HPF1: variants seen among roughly 807,000 people sequenced by gnomAD.
HPF1 encodes the protein UPF0609 protein C4orf27.
A neutral mutation model predicts 38.8 loss-of-function variants in HPF1; 35 were observed. That is an observed-to-expected ratio of 0.90 (90% CI 0.69 to 1.19). The LOEUF (loss-of-function observed/expected upper bound fraction) is 1.19, where lower values mean the gene tolerates loss of function less well. HPF1 is among the 50% of genes most tolerant of loss of function. The pLI is 0.00. For synonymous variants in HPF1, 115 were observed against 139.2 expected (o/e 0.83, Z 1.22); for missense variants, 367 against 405.8 (o/e 0.90, Z 0.82).
intron 5 of HPF1, 147 bp downstream of exon 5, chr4:169,741,810 G>C: frequency 1.5e-6 from 1 of 651,208 alleles, no homozygotes; most frequent in South Asian, 2.3e-5. Flanking sequence ...TCCTCTTTCA[G>C]TGCCATCCTC....
At position 169,729,605 on chromosome 4, in the gene HPF1, T is replaced by C. The variant is rs374474538; in HGVS notation, c.1014A>G (p.Gln338=). ...ATGCAGCAAGTTGGTCTATGTTCTC[T>C]TGACTTCTGTTTGCCAGATGCTCCT... The part of the protein sequence containing the change: ...IIEEHLANRS[Q]ENIDQLAA The change falls in exon 8 of 8, where the codon CAA becomes CAG. Residue 338 remains glutamine (Q), a synonymous_variant. Transcript: ENST00000393381. 1.3e-6 allele frequency: 2 copies of C among 1,586,822 alleles called. No individual in the cohort carries two copies. The highest frequency in any genetic ancestry group is 1.7e-6 in the Non-Finnish European group (2 of 1,167,734).
intron 4 of HPF1, among the ~76,000 whole-genome samples, chr4:169,743,988 C>T (rs1734013248): frequency 6.6e-6 from 1 of 152,118 alleles, no homozygotes; most frequent in South Asian, 2.1e-4. Context: ...CACAGAAACC[C>T]AAGCCATCAA....
chr4:169,731,906 T>C, intron 6 of HPF1, 30 bp from the exon 7 acceptor site: 3 of 1,541,116 alleles, frequency 1.9e-6, no homozygotes, highest in South Asian at 2.3e-5. Flanking sequence ...TAAAAGATTA[T>C]CTACATAGTT....
Position 169,748,794 on chromosome 4 carries a change from C to T in HPF1, c.447G>A (p.Lys149=), listed in dbSNP as rs143257171. 3.8e-4 allele frequency: 580 copies of T among 1,516,866 alleles called. 5 individuals are homozygous for T. In the South Asian group the frequency reaches 3.8e-3, roughly 10 times the overall value. The allele number at this position is 1,516,866 out of a possible 1,614,324, so 94.0% of individuals were successfully genotyped here. A position where few individuals can be genotyped will look rare whatever the true frequency, so the allele number is the denominator to read the frequency against. Residue 149 remains lysine, a synonymous_variant, in exon 4 of 8, where the codon AAG becomes AAA. Transcript: ENST00000393381. ...FPVYVGINEA[K]KNCIIVPNGD... Reference sequence around the variant, plus strand: ...CATTTGGAACAATTATACAATTTTTCTTTGCTTCATTTATACCAACATATA... The same window carrying T: ...CATTTGGAACAATTATACAATTTTTTTTTGCTTCATTTATACCAACATATA...
Position 169,750,556 on chromosome 4 carries a change from C to T in HPF1, c.378G>A (p.Gln126=). The part of the protein sequence containing the change: ...QTIIIGDNKT[Q]YHMGYFRDSP... ...TTTACCTGAAATACCCCATGTGGTACTGAGTTTTATTATCTCCAATAATAA... is the reference window on the plus strand; with the variant it reads ...TTTACCTGAAATACCCCATGTGGTATTGAGTTTTATTATCTCCAATAATAA... Residue 126 remains glutamine, a synonymous_variant, in exon 3 of 8, where the codon CAG becomes CAA. Transcript: ENST00000393381. 1 of 1,607,168 alleles carries T rather than the reference C, an allele frequency of 6.2e-7. No homozygotes were observed. Among genetic ancestry groups the T allele is most frequent in the Non-Finnish European group, 8.5e-7 (1 of 1,177,102 alleles).
chr4:169,755,420 G>A lies in HPF1; in HGVS notation c.49-1585C>T, dbSNP rs189584124. ...GAGAGGGCCAACTTTTCGTATACTC[G>A]GGTTCCACAGGACCAACTTTGGAAC... On this transcript the variant is annotated intron_variant, in intron 1 of 7. Transcript: ENST00000393381. 5.9e-5 allele frequency among the ~76,000 whole-genome samples: 9 copies of A among 152,096 alleles called. No homozygotes were observed. In the South Asian group the frequency reaches 6.2e-4, roughly 11 times the overall value.
At position 169,729,600 on chromosome 4, in the gene HPF1, T is replaced by C. The variant is rs1297539226; in HGVS notation, c.1019A>G (p.Asn340Ser). The C allele has an allele frequency of 1.3e-6, 2 of 1,581,630 alleles. No homozygotes were observed. Among genetic ancestry groups the C allele is most frequent in the East Asian group, 2.3e-5 (1 of 43,168 alleles). Residue 340 changes from asparagine to serine, a missense_variant, in exon 8 of 8, where the codon AAC (asparagine) becomes AGC (serine). Asn to Ser is a conservative substitution (Grantham distance 46). Coordinates refer to ENST00000393381, the MANE Select transcript of HPF1 (RefSeq NM_017867.3). ...EEHLANRSQE[N>S]IDQLAA ...TACTCATGCAGCAAGTTGGTCTATG[T>C]TCTCTTGACTTCTGTTTGCCAGATG...
In HPF1 at chr4:169,750,698, T is replaced by A. The variant is rs1560891267; in HGVS notation, c.236A>T (p.Gln79Leu). The change falls in exon 3 of 8, where the codon CAA (glutamine) becomes CTA (leucine). Residue 79 changes from glutamine to leucine, a missense_variant. Coordinates refer to ENST00000393381, the MANE Select transcript of HPF1 (RefSeq NM_017867.3). ...SDSLSASLGLQLVGPYDILAG... is the reference protein window; with the variant it reads ...SDSLSASLGLLLVGPYDILAG... ...AAGGATATCATAAGGACCAACTAAT[T>A]GAAGTCCAAGGCTTGCAGAAAGTGA... 6.2e-7 allele frequency: 1 copy of A among 1,611,518 alleles called. No individual in the cohort carries two copies. Among genetic ancestry groups the A allele is most frequent in the East Asian group, 2.2e-5 (1 of 44,808 alleles).
At chr4:169,737,814 A>C in intron 5 of HPF1, 67 bp from the exon 6 acceptor site, 1 of 965,186 alleles carries the variant, frequency 1.0e-6, no homozygotes, top group Non-Finnish European at 1.7e-6. Context: ...ATCCCCAAAT[A>C]CATAAACCCT....
At position 169,753,794 on chromosome 4, in the gene HPF1, T is replaced by G; in HGVS notation, c.90A>C (p.Glu30Asp). Reference sequence around the variant, plus strand: ...TTCGAAGGTCACTGGAGACATCAGCTTCACAGAATTTACTTTTCTTCACAT... The same window carrying G: ...TTCGAAGGTCACTGGAGACATCAGCGTCACAGAATTTACTTTTCTTCACAT... ...TTDVKKSKFC[E>D]ADVSSDLRKE... The change falls in exon 2 of 8, where the codon GAA becomes GAC. Residue 30 changes from glutamate to aspartate, a missense_variant. Physicochemically the swap from Glu to Asp is conservative, Grantham distance 45. Transcript: ENST00000393381. 1 of 1,610,874 alleles carries G rather than the reference T, an allele frequency of 6.2e-7. No homozygotes were observed. Among genetic ancestry groups the G allele is most frequent in the Non-Finnish European group, 8.5e-7 (1 of 1,179,352 alleles).
chr4:169,743,481 AT>A lies in HPF1; in HGVS notation c.498-1375del, dbSNP rs71590033. Among the ~76,000 whole-genome samples the A allele has an allele frequency of 4.0e-4, 48 of 121,142 alleles. No homozygotes were observed. In the East Asian group the frequency reaches 6.0e-3, roughly 15 times the overall value. 79.5% of individuals were successfully genotyped at this position (121,142 alleles called of 152,430 possible). A position where few individuals can be genotyped will look rare whatever the true frequency, so the allele number is the denominator to read the frequency against. On this transcript the variant is annotated intron_variant, in intron 4 of 7. Transcript: ENST00000393381. ...CTATTATAACACTAAAGGTCGATAG[AT>A]TTTTTTTTTAATGTTGAAGTTTGTG...
intron 6 of HPF1, among the ~76,000 whole-genome samples, chr4:169,736,050 T>C (rs1733888286): frequency 6.6e-6 from 1 of 151,982 alleles, no homozygotes; most frequent in Admixed American, 6.5e-5. Flanking sequence ...CATTTAATCC[T>C]GTTTTAATTT....
intron 6 of HPF1, among the ~76,000 whole-genome samples, chr4:169,733,264 T>G (rs370793792): frequency 6.6e-6 from 1 of 152,236 alleles, no homozygotes; most frequent in Non-Finnish European, 1.5e-5. Flanking sequence ...CATTTCAATT[T>G]TGGCTTTCAA....
chr4:169,737,304 A>AAC (rs1672627386), intron 6 of HPF1, among the ~76,000 whole-genome samples: 1 of 143,636 alleles, frequency 7.0e-6, no homozygotes, highest in Non-Finnish European at 1.5e-5. Flanking sequence ...AAAAAAAAAA[A>AAC]AAACAAACAA....
chr4:169,755,669 A>C (rs1734179919), intron 1 of HPF1, among the ~76,000 whole-genome samples: 1 of 152,228 alleles, frequency 6.6e-6, no homozygotes, highest in East Asian at 1.9e-4. Flanking sequence ...TGAGGAAAAA[A>C]GCTCTTGATT....
intron 5 of HPF1, among the ~76,000 whole-genome samples, chr4:169,740,178 A>C (rs1733952077): frequency 6.6e-6 from 1 of 152,220 alleles, no homozygotes; most frequent in Admixed American, 6.5e-5. Context: ...GAAAAAGGTG[A>C]AGTGGCAGAG....
chr4:169,738,921 T>C (rs1199089576), intron 5 of HPF1, among the ~76,000 whole-genome samples: 1 of 148,592 alleles, frequency 6.7e-6, no homozygotes, highest in African/African-American at 2.5e-5. Flanking sequence ...TTCTCACTCA[T>C]AGGTGGGAAT....
In HPF1 at chr4:169,738,957, G is replaced by A. The variant is rs534031037; in HGVS notation, c.649-1210C>T. ...TGAACAATGAGAACACTTGGACACA[G>A]AGTGGGGAACATCACACACTGGGGC... On this transcript the variant is annotated intron_variant, in intron 5 of 7. Transcript: ENST00000393381. 1.2e-3 allele frequency among the ~76,000 whole-genome samples: 188 copies of A among 150,786 alleles called. 1 individual carries two copies. The highest frequency in any genetic ancestry group is 4.4e-3 in the African/African-American group (183 of 41,144).
chr4:169,750,151 G>A (rs1316979098), intron 3 of HPF1, among the ~76,000 whole-genome samples: 1 of 152,182 alleles, frequency 6.6e-6, no homozygotes, highest in South Asian at 2.1e-4. Flanking sequence ...GAAAGTCACA[G>A]TCAGTAATGA....
Sources: allele counts gnomAD v4.1 joint callset (sites outside exome capture counted in the v4.1 genomes callset), GRCh38; gene constraint gnomAD v4.1.1; transcripts MANE v1.5; gene names NCBI Gene and HGNC (gene_info 2026-07-23, HGNC 2026-07-21).